The following DENND5A variants were observed in gnomAD, a reference collection of about 807,000 sequenced individuals.
DENND5A encodes DENN domain-containing protein 5A.
Under a neutral mutation model 140.3 loss-of-function variants are expected in DENND5A, and 64 were observed. The observed-to-expected ratio is 0.46, with a 90% CI of 0.37 to 0.56. The LOEUF is 0.56. Ranked by LOEUF, DENND5A falls within the 20% of genes least tolerant of loss-of-function variation. The probability of loss-of-function intolerance (pLI) is 0.00; values close to 1 mark genes in which losing one functional copy is unlikely to be tolerated. For missense variants in DENND5A, 1,292 were observed against 1,593.8 expected (o/e 0.81, Z 3.22); for synonymous variants, 605 against 607.7 (o/e 1.00, Z 0.07).
At chr11:9,197,248 C>A (rs761816345) in intron 4 of DENND5A, among the ~76,000 whole-genome samples, 1 of 150,492 alleles carries the variant, frequency 6.6e-6, no homozygotes, top group Non-Finnish European at 1.5e-5. Context: ...GAGGTTGCAG[C>A]GAGCCAAGAT....
chr11:9,262,090 C>A (rs1226146628), intron 1 of DENND5A, among the ~76,000 whole-genome samples: 1 of 152,082 alleles, frequency 6.6e-6, no homozygotes, highest in East Asian at 1.9e-4. Flanking sequence ...AGTAACATTT[C>A]TTTTTTAATG....
At chr11:9,160,662 T>C (rs1330421713) in intron 12 of DENND5A, 51 bp downstream of exon 12, 9 of 1,554,528 alleles carry the variant, frequency 5.8e-6, no homozygotes, top group Non-Finnish European at 7.9e-6. Flanking sequence ...AGCTAGTAAC[T>C]GAAAACAGGA....
intron 1 of DENND5A, among the ~76,000 whole-genome samples, chr11:9,260,923 A>G (rs753511082): frequency 6.6e-6 from 1 of 152,126 alleles, no homozygotes; most frequent in Non-Finnish European, 1.5e-5. Flanking sequence ...ATCTCAGTTC[A>G]CTGCAACCTC....
At chr11:9,206,838 G>T in intron 2 of DENND5A, 56 bp from the exon 3 acceptor site, 2 of 1,296,044 alleles carry the variant, frequency 1.5e-6, no homozygotes, top group Non-Finnish European at 2.2e-6. Flanking sequence ...AAGTCACAGG[G>T]TTATAAATGT....
chr11:9,180,599 G>C (rs918140277), intron 6 of DENND5A, among the ~76,000 whole-genome samples, 168 bp downstream of exon 6: 4 of 152,180 alleles, frequency 2.6e-5, no homozygotes, highest in African/African-American at 9.7e-5. Context: ...CATTTACTAG[G>C]ATAACATCTG....
At chr11:9,193,397 A>C in intron 5 of DENND5A, 97 bp downstream of exon 5, 1 of 977,368 alleles carries the variant, frequency 1.0e-6, no homozygotes, top group Non-Finnish European at 1.4e-6. Context: ...ATAGAAGAAA[A>C]TAAACTTGGT....
chr11:9,207,679 T>C lies in DENND5A; in HGVS notation c.110-47A>G, dbSNP rs543621587. ...AGAGTATTACAATAAAGCAGTGTTA[T>C]TCAAACTTTTTTGACCATTATTCCA... is the stretch of plus-strand genomic sequence containing the variant. On this transcript the variant is annotated intron_variant, in intron 1 of 22. Coordinates refer to ENST00000328194, the MANE Select transcript of DENND5A (RefSeq NM_015213.4). 35 of 1,378,574 alleles carry C rather than the reference T, an allele frequency of 2.5e-5. No homozygotes were observed. In the South Asian group the frequency reaches 3.9e-4, roughly 15 times the overall value. The allele number at this position is 1,378,574 out of a possible 1,614,324, so 85.4% of individuals were successfully genotyped here. A position where few individuals can be genotyped will look rare whatever the true frequency, so the allele number is the denominator to read the frequency against.
At chr11:9,156,823 G>A (rs1847818624) in intron 12 of DENND5A, among the ~76,000 whole-genome samples, 1 of 150,868 alleles carries the variant, frequency 6.6e-6, no homozygotes. Flanking sequence ...GGGGAGGGGA[G>A]GGAAAGGGGA....
intron 1 of DENND5A, among the ~76,000 whole-genome samples, chr11:9,218,761 T>C (rs561645227): frequency 2.0e-5 from 3 of 152,100 alleles, no homozygotes; most frequent in African/African-American, 7.2e-5. Flanking sequence ...ATCCCAGCAC[T>C]TCAGGAGGCT....
At chr11:9,171,884 A>G (rs927012143) in intron 8 of DENND5A, 4 of 152,210 alleles carry the variant, frequency 2.6e-5, no homozygotes, top group Non-Finnish European at 5.9e-5. Context: ...AAACAACATC[A>G]ACAACAAAAA....
At chr11:9,156,954 C>A (rs938382121) in intron 12 of DENND5A, among the ~76,000 whole-genome samples, 5 of 151,732 alleles carry the variant, frequency 3.3e-5, no homozygotes, top group Non-Finnish European at 2.9e-5. Context: ...TAAATTCCTC[C>A]TATGGTGAGA....
At chr11:9,215,706 C>T (rs1018327443) in intron 1 of DENND5A, among the ~76,000 whole-genome samples, 39 of 135,500 alleles carry the variant, frequency 2.9e-4, no homozygotes, top group Non-Finnish European at 4.1e-4. Context: ...CACCACCATG[C>T]CCAGCTAATT....
At chr11:9,174,519 T>TTG (rs1482507961) in intron 8 of DENND5A, among the ~76,000 whole-genome samples, 3 of 150,578 alleles carry the variant, frequency 2.0e-5, no homozygotes, top group Admixed American at 2.0e-4. Flanking sequence ...GTTATTTCTT[T>TTG]TTTTTTTTTT....
intron 1 of DENND5A, among the ~76,000 whole-genome samples, chr11:9,231,825 T>TC (rs1191470365): frequency 6.7e-6 from 1 of 149,694 alleles, no homozygotes; most frequent in Non-Finnish European, 1.5e-5. Flanking sequence ...ATTCTCTCTC[T>TC]TTTTTTTTAA....
intron 18 of DENND5A, among the ~76,000 whole-genome samples, 192 bp downstream of exon 18, chr11:9,144,799 AAAAG>A (rs1401908488): frequency 1.3e-5 from 2 of 152,018 alleles, no homozygotes; most frequent in Non-Finnish European, 2.9e-5. Flanking sequence ...AAAAAAAAAA[AAAAG>A]AAAGAAAAAG....
chr11:9,140,102 C>T lies in DENND5A; in HGVS notation c.3681-248G>A, dbSNP rs1590199046. On this transcript the variant is annotated intron_variant, in intron 22 of 22. Coordinates refer to ENST00000328194, the MANE Select transcript of DENND5A (RefSeq NM_015213.4). ...CCTCCTCCTCCCCTGCCTCCCTCGC[C>T]CTGCCTAGTCAGCCCCACCACTGGT... is the stretch of plus-strand genomic sequence containing the variant. 1.1e-5 allele frequency: 15 copies of T among 1,379,046 alleles called. No individual in the cohort carries two copies. In the East Asian group the frequency reaches 4.4e-4, roughly 40 times the overall value. The allele number at this position is 1,379,046 out of a possible 1,614,324, so 85.4% of individuals were successfully genotyped here.
chr11:9,256,025 C>CAA (rs1164502361), intron 1 of DENND5A, among the ~76,000 whole-genome samples: 2 of 86,782 alleles, frequency 2.3e-5, no homozygotes, highest in Non-Finnish European at 2.3e-5. Flanking sequence ...AACTCCATCT[C>CAA]AAAAAAAAAA....
chr11:9,167,429 C>T (rs1029959659), intron 10 of DENND5A, among the ~76,000 whole-genome samples: 23 of 149,488 alleles, frequency 1.5e-4, no homozygotes, highest in Admixed American at 1.3e-3. Flanking sequence ...CCTGCCATGT[C>T]CTCTACTTGA....
Position 9,240,221 on chromosome 11 carries a change from C to A in DENND5A, c.109+24740G>T, listed in dbSNP as rs1028399194. ...CCAGCCTGGCCAACATGGTGAAACC[C>A]CATCTCTACTAAAAATACAAAAATT... On this transcript the variant is annotated intron_variant, in intron 1 of 22. Transcript: ENST00000328194. Among the ~76,000 whole-genome samples, 7 of 152,082 alleles carry A rather than the reference C, an allele frequency of 4.6e-5. No individual in the cohort carries two copies. The East Asian group carries it at 1.4e-3, about 29-fold the overall frequency.
Sources: gnomAD v4.1 joint callset for allele counts (sites outside exome capture counted in the v4.1 genomes callset) on GRCh38, gnomAD v4.1.1 for gene constraint, MANE v1.5 for transcripts, NCBI Gene and HGNC (gene_info 2026-07-23, HGNC 2026-07-21) for gene names.